The following MARCHF7 variants were observed in gnomAD, a reference collection of about 807,000 sequenced individuals.
MARCHF7 encodes E3 ubiquitin-protein ligase MARCHF7.
MARCHF7 carries 20 observed loss-of-function variants against 76.5 expected under a neutral mutation model. The observed-to-expected ratio is 0.26, with a 90% CI of 0.18 to 0.38. MARCHF7 has a LOEUF of 0.38. MARCHF7 is among the 10% of genes least tolerant of loss of function. The pLI is 1.00. For synonymous variants in MARCHF7, 295 were observed against 293.0 expected (o/e 1.01, Z -0.07); for missense variants, 797 against 812.9 (o/e 0.98, Z 0.24).
At chr2:159,743,974 CTTTTTTTT>C (rs1170864400) in intron 5 of MARCHF7, among the ~76,000 whole-genome samples, 14 of 60,616 alleles carry the variant, frequency 2.3e-4, no homozygotes, top group African/African-American at 7.0e-4. Context: ...AGTAGGAGTT[CTTTTTTTT>C]TTTTTTTTTT....
chr2:159,756,706 AAAAAAAAAC>A (rs1308974533), intron 8 of MARCHF7, among the ~76,000 whole-genome samples: 153 of 151,186 alleles, frequency 1.0e-3, no homozygotes, highest in African/African-American at 3.5e-3. Context: ...AAAAAAAAAA[AAAAAAAAAC>A]AGATGATTCA....
intron 8 of MARCHF7, among the ~76,000 whole-genome samples, chr2:159,755,357 A>G (rs1706164048): frequency 1.3e-5 from 2 of 152,156 alleles, no homozygotes. Flanking sequence ...GTTATAATCC[A>G]GTGGGTCTGG....
intron 3 of MARCHF7, among the ~76,000 whole-genome samples, chr2:159,716,370 G>A (rs373961575): frequency 6.6e-6 from 1 of 152,136 alleles, no homozygotes; most frequent in South Asian, 2.1e-4. Context: ...ATTGGGGCTG[G>A]GCATGGTGGC....
At chr2:159,713,210 G>T (rs990910427) in intron 1 of MARCHF7, among the ~76,000 whole-genome samples, 2 of 152,236 alleles carry the variant, frequency 1.3e-5, no homozygotes, top group Admixed American at 6.5e-5. Flanking sequence ...TGTGGGTTCT[G>T]CAACTCGAAG....
chr2:159,758,072 A>G (rs1463616241), intron 8 of MARCHF7, among the ~76,000 whole-genome samples: 2 of 152,170 alleles, frequency 1.3e-5, no homozygotes, highest in Non-Finnish European at 2.9e-5. Flanking sequence ...TGAATCTCCA[A>G]AACCTCTAAT....
intron 4 of MARCHF7, among the ~76,000 whole-genome samples, chr2:159,739,290 C>T (rs1006680830): frequency 3.3e-5 from 5 of 152,234 alleles, no homozygotes; most frequent in African/African-American, 4.8e-5. Context: ...CTGCAGCCGG[C>T]GTCTTTGTGG....
Position 159,748,486 on chromosome 2 carries a change from C to G in MARCHF7, c.1196C>G (p.Ser399Cys). ...AGAAATAGATGCACACCTTTGTTCT[C>G]TAGAAGGAGGCGAGAGGGAAGAGAT... Reference protein sequence around the residue: ...SLRNRCTPLFSRRRREGRDES... With the variant: ...SLRNRCTPLFCRRRREGRDES... Residue 399 changes from serine (S) to cysteine (C), a missense_variant, in exon 7 of 12, where the codon TCT (serine) becomes TGT (cysteine). Coordinates refer to ENST00000409175, the MANE Select transcript of MARCHF7 (RefSeq NM_001282805.2). 6.2e-7 allele frequency: 1 copy of G among 1,614,050 alleles called. No homozygotes were observed. The highest frequency in any genetic ancestry group is 1.1e-5 in the South Asian group (1 of 91,066).
At chr2:159,760,723 TTTTG>T (rs1375009756) in intron 9 of MARCHF7, among the ~76,000 whole-genome samples, 2 of 151,940 alleles carry the variant, frequency 1.3e-5, no homozygotes, top group Admixed American at 6.5e-5. Context: ...TTGTTTTTGT[TTTTG>T]TTTTTGTTTT....
chr2:159,761,299 C>A (rs933433995), intron 9 of MARCHF7, among the ~76,000 whole-genome samples: 4 of 149,510 alleles, frequency 2.7e-5, no homozygotes, highest in African/African-American at 9.9e-5. Flanking sequence ...GCTGGGATTA[C>A]AGGCGTGAGC....
At chr2:159,759,860 G>T (rs1349015429) in intron 9 of MARCHF7, among the ~76,000 whole-genome samples, 1 of 152,184 alleles carries the variant, frequency 6.6e-6, no homozygotes, top group Non-Finnish European at 1.5e-5. Context: ...ACTTTGGGAG[G>T]CTAAGACGGG....
At chr2:159,725,885 G>C (rs1421263315) in intron 3 of MARCHF7, among the ~76,000 whole-genome samples, 1 of 152,140 alleles carries the variant, frequency 6.6e-6, no homozygotes, top group East Asian at 1.9e-4. Context: ...CCTTTAAAGT[G>C]GAAACATTTC....
chr2:159,741,462 T>TTCC (rs1217119299), intron 4 of MARCHF7, among the ~76,000 whole-genome samples: 1 of 152,102 alleles, frequency 6.6e-6, no homozygotes, highest in Non-Finnish European at 1.5e-5. Context: ...AGTTACCATC[T>TTCC]TTGACTCTTC....
At chr2:159,732,768 G>A (rs1348231640) in intron 4 of MARCHF7, 1 of 840,202 alleles carries the variant, frequency 1.2e-6, no homozygotes, top group Non-Finnish European at 1.4e-6. Flanking sequence ...CTGGCCTCCA[G>A]CAGTACTCCC....
chr2:159,742,548 T>TAAA (rs34454952), intron 4 of MARCHF7, among the ~76,000 whole-genome samples: 45 of 150,686 alleles, frequency 3.0e-4, no homozygotes, highest in East Asian at 2.7e-3. Flanking sequence ...CAAGTGTTTA[T>TAAA]AAAAAAAAAG....
At chr2:159,752,985 G>C (rs1705837875) in intron 8 of MARCHF7, among the ~76,000 whole-genome samples, 1 of 152,202 alleles carries the variant, frequency 6.6e-6, no homozygotes, top group Non-Finnish European at 1.5e-5. Context: ...TGTTCATTGA[G>C]TGCCTGTAAT....
intron 4 of MARCHF7, among the ~76,000 whole-genome samples, chr2:159,729,672 CAA>C (rs36092079): frequency 2.2e-5 from 3 of 137,662 alleles, no homozygotes; most frequent in Non-Finnish European, 3.2e-5. Flanking sequence ...GACTCCATCT[CAA>C]AAAAAAAAAA....
intron 4 of MARCHF7, among the ~76,000 whole-genome samples, chr2:159,730,058 G>A (rs937625238): frequency 2.6e-5 from 4 of 151,994 alleles, no homozygotes; most frequent in Admixed American, 6.6e-5. Flanking sequence ...GCTAGTTTTC[G>A]TTAGGACCAC....
chr2:159,742,880 T>A (rs959424946), intron 4 of MARCHF7, among the ~76,000 whole-genome samples, 181 bp from the exon 5 acceptor site: 1 of 151,680 alleles, frequency 6.6e-6, no homozygotes, highest in African/African-American at 2.4e-5. Flanking sequence ...AAGGTTACAG[T>A]GAGCCAAGAT....
chr2:159,713,411 G>C (rs1471265987), intron 1 of MARCHF7, among the ~76,000 whole-genome samples: 1 of 152,152 alleles, frequency 6.6e-6, no homozygotes, highest in Non-Finnish European at 1.5e-5. Flanking sequence ...GTCTATCTGG[G>C]TAATAAATTC....
Sources: allele counts gnomAD v4.1 joint callset (sites outside exome capture counted in the v4.1 genomes callset), GRCh38; gene constraint gnomAD v4.1.1; transcripts MANE v1.5; gene names NCBI Gene and HGNC (gene_info 2026-07-23, HGNC 2026-07-21).